Variants in CNNM2 observed in about 807,000 individuals in gnomAD.
The protein encoded by CNNM2 is metal transporter CNNM2.
A neutral mutation model predicts 66.9 loss-of-function variants in CNNM2; 12 were observed. The ratio of observed to expected loss-of-function variants is 0.18; its 90% CI spans 0.11 to 0.29. The LOEUF (loss-of-function observed/expected upper bound fraction) is 0.29, where lower values mean the gene tolerates loss of function less well. Among genes scored for constraint, CNNM2 ranks in the 10% least tolerant of loss-of-function variants. CNNM2 has a pLI of 1.00. For synonymous variants in CNNM2, 557 were observed against 501.8 expected, an observed-to-expected ratio of 1.11 and a Z score of -1.47; for missense variants, 705 against 1,167.7, an observed-to-expected ratio of 0.60 and a Z score of 5.77.
chr10:103,011,084 T>C (rs1047041253), intron 1 of CNNM2, among the ~76,000 whole-genome samples: 3 of 152,182 alleles, frequency 2.0e-5, no homozygotes, highest in African/African-American at 7.2e-5. Flanking sequence ...TCCACCACAA[T>C]GCGTAGCATG....
At chr10:102,976,611 ATTTTTTTTTTT>A (rs66498944) in intron 1 of CNNM2, among the ~76,000 whole-genome samples, 1,024 of 59,482 alleles carry the variant, frequency 0.017, 28 homozygotes, top group East Asian at 0.11. Flanking sequence ...CGCCCAGGTA[ATTTTTTTTTTT>A]TTTTTTTTTT....
intron 1 of CNNM2, among the ~76,000 whole-genome samples, chr10:102,943,521 A>G (rs1034075972): frequency 2.6e-5 from 4 of 152,202 alleles, no homozygotes; most frequent in African/African-American, 9.6e-5. Context: ...GGTGATATCT[A>G]TATGCATCTA....
intron 1 of CNNM2, among the ~76,000 whole-genome samples, chr10:103,008,949 T>C (rs1013218604): frequency 2.6e-5 from 4 of 152,150 alleles, no homozygotes; most frequent in Admixed American, 6.6e-5. Flanking sequence ...CAACCTGATA[T>C]ACTCAACTGT....
At chr10:102,928,967 G>A (rs1845971707) in intron 1 of CNNM2, among the ~76,000 whole-genome samples, 1 of 152,128 alleles carries the variant, frequency 6.6e-6, no homozygotes, top group Non-Finnish European at 1.5e-5. Context: ...AAATCTAAAA[G>A]TGGCTAGGCT....
chr10:103,046,662 AC>A (rs1343149143), intron 1 of CNNM2, among the ~76,000 whole-genome samples: 2 of 152,214 alleles, frequency 1.3e-5, no homozygotes, highest in Non-Finnish European at 2.9e-5. Context: ...TCTAAAACAA[AC>A]AGTAGAAGAG....
chr10:103,008,470 T>C (rs1285657665), intron 1 of CNNM2, among the ~76,000 whole-genome samples: 1 of 152,104 alleles, frequency 6.6e-6, no homozygotes. Context: ...CTGTCAGAAA[T>C]TAAATGAGTT....
At chr10:103,019,760 C>G (rs1056646448) in intron 1 of CNNM2, among the ~76,000 whole-genome samples, 1 of 152,114 alleles carries the variant, frequency 6.6e-6, no homozygotes, top group Non-Finnish European at 1.5e-5. Flanking sequence ...AATTTAAATA[C>G]ACTGTTCTAT....
At chr10:102,938,590 T>A (rs937701403) in intron 1 of CNNM2, among the ~76,000 whole-genome samples, 1 of 122,966 alleles carries the variant, frequency 8.1e-6, no homozygotes, top group African/African-American at 3.2e-5. Context: ...ACTGCACTCC[T>A]GCCTGGGTGA....
chr10:102,925,890 A>G lies in CNNM2; in HGVS notation c.1621+5789A>G, dbSNP rs546658106. 4.6e-5 allele frequency among the ~76,000 whole-genome samples: 7 copies of G among 152,262 alleles called. No homozygotes were observed. In the South Asian group the frequency reaches 1.5e-3, roughly 32 times the overall value. The stretch of plus-strand genomic sequence containing the variant: ...TTTGTTGTGGTTAGACTAGGAGGGT[A>G]TTTTAGGAAATGAGTGTTGATACCT... On this transcript the variant is annotated intron_variant, in intron 1 of 7. Transcript: ENST00000369878.
At position 102,918,678 on chromosome 10, in the gene CNNM2, G is replaced by A; in HGVS notation, c.198G>A (p.Val66=). Reference sequence around the variant, plus strand: ...GCGGTGCGGGCGGCTGCGCAGCGGTGGGCGAGAATGAGGAGACGGTGATCA... The same window carrying A: ...GCGGTGCGGGCGGCTGCGCAGCGGTAGGCGAGAATGAGGAGACGGTGATCA... The part of the protein sequence containing the change: ...CCCGAGGCAA[V]GENEETVIIG... The change falls in exon 1 of 8, where the codon GTG becomes GTA. Residue 66 remains valine (V), a synonymous_variant. Transcript: ENST00000369878. The surrounding 1 kb of genome is among the most constrained non-coding windows in gnomAD (Gnocchi z 4.1). 1 of 1,553,238 alleles carries A rather than the reference G, an allele frequency of 6.4e-7. No individual in the cohort carries two copies.
At chr10:102,935,819 A>G (rs1319541134) in intron 1 of CNNM2, among the ~76,000 whole-genome samples, 4 of 116,642 alleles carry the variant, frequency 3.4e-5, no homozygotes, top group Admixed American at 1.2e-4. Context: ...AAGTGTCGCT[A>G]TGTTGCCCAG....
chr10:103,075,706 C>T (rs753347898), intron 6 of CNNM2, among the ~76,000 whole-genome samples: 2 of 152,188 alleles, frequency 1.3e-5, no homozygotes, highest in African/African-American at 4.8e-5. Flanking sequence ...GAAGTGCTGT[C>T]CTCTGCGTAG....
At chr10:103,057,381 C>T (rs929543915) in intron 4 of CNNM2, among the ~76,000 whole-genome samples, 9 of 150,052 alleles carry the variant, frequency 6.0e-5, no homozygotes, top group East Asian at 2.0e-4. Context: ...AGACAGGGGG[C>T]GGGGCGGGGA....
chr10:103,058,801 A>G (rs979248078), intron 4 of CNNM2, among the ~76,000 whole-genome samples: 2 of 152,210 alleles, frequency 1.3e-5, no homozygotes, highest in Admixed American at 1.3e-4. Flanking sequence ...CAGTTACCTA[A>G]GGTACAAAGA....
intron 1 of CNNM2, among the ~76,000 whole-genome samples, chr10:103,036,978 C>G (rs996761370): frequency 6.6e-6 from 1 of 152,014 alleles, no homozygotes; most frequent in Non-Finnish European, 1.5e-5. Context: ...GGTTGTGACT[C>G]TGTGCTGTAG....
chr10:103,033,679 G>A (rs1051562658), intron 1 of CNNM2, among the ~76,000 whole-genome samples: 3 of 151,928 alleles, frequency 2.0e-5, no homozygotes, highest in African/African-American at 7.3e-5. Flanking sequence ...AGAGATGGGG[G>A]TTTCACCATG....
At chr10:102,980,142 A>G (rs1395402431) in intron 1 of CNNM2, among the ~76,000 whole-genome samples, 1 of 151,828 alleles carries the variant, frequency 6.6e-6, no homozygotes, top group Non-Finnish European at 1.5e-5. Flanking sequence ...CTCAGACGCC[A>G]TGTTGGCCAG....
chr10:103,047,619 C>T (rs1017226880), intron 1 of CNNM2, among the ~76,000 whole-genome samples: 6 of 152,206 alleles, frequency 3.9e-5, no homozygotes, highest in Non-Finnish European at 8.8e-5. Context: ...TCTGTACTCT[C>T]TTTGCAACTT....
chr10:103,004,240 T>C (rs1169989180), intron 1 of CNNM2, among the ~76,000 whole-genome samples: 1 of 152,052 alleles, frequency 6.6e-6, no homozygotes, highest in African/African-American at 2.4e-5. Context: ...CGACCTCAGG[T>C]GATCTGCCCG....
Sources: allele counts gnomAD v4.1 joint callset (sites outside exome capture counted in the v4.1 genomes callset), GRCh38; gene constraint gnomAD v4.1.1; non-coding constraint Gnocchi (gnomAD v3.1); transcripts MANE v1.5; gene names NCBI Gene and HGNC (gene_info 2026-07-23, HGNC 2026-07-21).